Variants in ACO1 observed in about 807,000 individuals in gnomAD.
The protein encoded by ACO1 is aconitase 1, also known as cytoplasmic aconitate hydratase.
In ACO1, 78 loss-of-function variants were observed where a neutral mutation model predicts 105.1. That is an observed-to-expected ratio of 0.74 (90% CI 0.62 to 0.90). The LOEUF (loss-of-function observed/expected upper bound fraction) is 0.90, where lower values mean the gene tolerates loss of function less well. Among genes scored for constraint, ACO1 ranks in the 40% least tolerant of loss-of-function variants. The pLI is 0.00. For missense variants in ACO1, 965 were observed against 1,111.1 expected, an observed-to-expected ratio of 0.87 and a Z score of 1.87; for synonymous variants, 364 against 397.4, an observed-to-expected ratio of 0.92 and a Z score of 1.00.
chr9:32,387,723 A>G (rs1821184061), intron 1 of ACO1, among the ~76,000 whole-genome samples: 5 of 152,218 alleles, frequency 3.3e-5, no homozygotes, highest in Admixed American at 3.3e-4. Flanking sequence ...TACAGTTTCT[A>G]TTGCAGCTAC....
Position 32,436,299 on chromosome 9 carries a change from G to A in ACO1, c.2149G>A (p.Ala717Thr), listed in dbSNP as rs202070059. ...NSYGSRRGND[A>T]VMARGTFANI... ...CTATGGCTCCCGCCGAGGTAATGAC[G>A]CCGTCATGGCACGGGGAACATTTGC... The change falls in exon 18 of 21, where the codon GCC (alanine) becomes ACC (threonine). Residue 717 changes from alanine (A) to threonine (T), a missense_variant. Coordinates refer to ENST00000309951, the MANE Select transcript of ACO1 (RefSeq NM_002197.3). 8.3e-5 allele frequency: 134 copies of A among 1,614,020 alleles called. No individual in the cohort carries two copies. The highest frequency in any genetic ancestry group is 1.1e-4 in the Non-Finnish European group (125 of 1,180,024).
At chr9:32,442,366 AC>A (rs1822500350) in intron 19 of ACO1, among the ~76,000 whole-genome samples, 1 of 152,042 alleles carries the variant, frequency 6.6e-6, no homozygotes, top group African/African-American at 2.4e-5. Context: ...TCCTAAAGTG[AC>A]CCTGGTGTTG....
Position 32,398,188 on chromosome 9 carries a change from A to G in ACO1, c.-22-7297A>G, listed in dbSNP as rs559399269. 2.0e-5 allele frequency among the ~76,000 whole-genome samples: 3 copies of G among 152,360 alleles called. No individual in the cohort carries two copies. The East Asian group carries it at 5.8e-4, about 29-fold the overall frequency. On this transcript the variant is annotated intron_variant, in intron 1 of 20. Coordinates refer to ENST00000309951, the MANE Select transcript of ACO1 (RefSeq NM_002197.3). ...AGGTAATTAATTATAATATTTCACT[A>G]TCATAGGAAAATTAAACTTTGATAA...
Position 32,453,050 on chromosome 9 carries a change from C to G in ACO1, c.*2939C>G, listed in dbSNP as rs867469938. ...GCCTAAATAAACCAACTTCTTTTAC[C>G]TGGTTCTTTAAGGGCTGCTCGTCTT... is the stretch of plus-strand genomic sequence containing the variant. On this transcript the variant is annotated 3_prime_UTR_variant, in exon 21 of 21. Coordinates refer to ENST00000309951, the MANE Select transcript of ACO1 (RefSeq NM_002197.3). 5 of 148,522 alleles carry G rather than the reference C, an allele frequency of 3.4e-5. No individual in the cohort carries two copies. The highest frequency in any genetic ancestry group is 6.8e-5 in the Admixed American group (1 of 14,684). 9.2% of individuals were successfully genotyped at this position (148,522 alleles called of 1,614,324 possible).
At position 32,433,724 on chromosome 9, in the gene ACO1, T is replaced by C; in HGVS notation, c.1852-4T>C. On this transcript the variant is annotated splice_region_variant and splice_polypyrimidine_tract_variant and intron_variant, in intron 15 of 20. Coordinates refer to ENST00000309951, the MANE Select transcript of ACO1 (RefSeq NM_002197.3). ...TTAGATCTGCCTTTCTTTTCTTTTT[T>C]AAGACTGTGAATGAAAGCTGGAATG... 2 of 1,595,052 alleles carry C rather than the reference T, an allele frequency of 1.3e-6. No homozygotes were observed. The highest frequency in any genetic ancestry group is 1.7e-6 in the Non-Finnish European group (2 of 1,174,800).
intron 4 of ACO1, among the ~76,000 whole-genome samples, chr9:32,416,424 A>C (rs952143210): frequency 3.9e-5 from 6 of 152,114 alleles, no homozygotes; most frequent in Non-Finnish European, 7.3e-5. Context: ...TAAATAACAC[A>C]TGCTTCCGGT....
intron 4 of ACO1, among the ~76,000 whole-genome samples, chr9:32,414,110 G>T (rs554264661): frequency 4.6e-5 from 7 of 152,094 alleles, no homozygotes; most frequent in African/African-American, 1.7e-4. Context: ...CCGAGATTGC[G>T]CCACTGCACT....
intron 1 of ACO1, among the ~76,000 whole-genome samples, chr9:32,399,022 C>T (rs1291277016): frequency 6.6e-6 from 1 of 152,180 alleles, no homozygotes; most frequent in Non-Finnish European, 1.5e-5. Flanking sequence ...AGATAATCAT[C>T]CCCTTTCCTT....
intron 14 of ACO1, 116 bp downstream of exon 14, chr9:32,430,690 G>C: frequency 8.6e-7 from 1 of 1,168,364 alleles, no homozygotes; most frequent in Middle Eastern, 2.1e-4. Flanking sequence ...ATAAGACAAA[G>C]AAGAGAATAA....
At chr9:32,422,636 A>G (rs1821999694) in intron 8 of ACO1, among the ~76,000 whole-genome samples, 2 of 152,190 alleles carry the variant, frequency 1.3e-5, no homozygotes, top group Admixed American at 6.5e-5. Flanking sequence ...GTTCAAGGTC[A>G]TATTCCTGGT....
chr9:32,387,855 A>G (rs1821186050), intron 1 of ACO1, among the ~76,000 whole-genome samples: 1 of 152,226 alleles, frequency 6.6e-6, no homozygotes, highest in Non-Finnish European at 1.5e-5. Flanking sequence ...CAGACTCCTG[A>G]CCTAGACTAT....
intron 8 of ACO1, among the ~76,000 whole-genome samples, chr9:32,422,610 A>T (rs1821999280): frequency 6.6e-6 from 1 of 152,186 alleles, no homozygotes; most frequent in Non-Finnish European, 1.5e-5. Flanking sequence ...TCTTGATAAA[A>T]GTTAAATAGC....
In ACO1 at chr9:32,405,424, C is replaced by T. The variant is rs987553037; in HGVS notation, c.-22-61C>T. The T allele has an allele frequency of 1.4e-5, 14 of 977,442 alleles. No homozygotes were observed. In the South Asian group the frequency reaches 1.6e-4, roughly 11 times the overall value. The allele number at this position is 977,442 out of a possible 1,614,324, so 60.5% of individuals were successfully genotyped here. On this transcript the variant is annotated intron_variant, in intron 1 of 20. Transcript: ENST00000309951. ...GTAAAAACTAAGCCTTCCTCCCAGT[C>T]CTGATTTCTAGGTCCCAGACCTCTT...
In ACO1 at chr9:32,425,831, C is replaced by T. The variant is rs1451166243; in HGVS notation, c.1189-7C>T. 3.8e-6 allele frequency: 6 copies of T among 1,598,424 alleles called. No individual in the cohort carries two copies. The highest frequency in any genetic ancestry group is 3.4e-5 in the Admixed American group (2 of 58,572). On this transcript the variant is annotated splice_polypyrimidine_tract_variant and splice_region_variant and intron_variant, in intron 10 of 20. Coordinates refer to ENST00000309951, the MANE Select transcript of ACO1 (RefSeq NM_002197.3). ...TCCTATATAATATACATTTTTTCTTCCTTTAGCAAGGATTTAAAGGATTCC... is the reference window on the plus strand; with the variant it reads ...TCCTATATAATATACATTTTTTCTTTCTTTAGCAAGGATTTAAAGGATTCC...
In ACO1 at chr9:32,418,425, A is replaced by T; in HGVS notation, c.572A>T (p.Asp191Val). ...GAATATTTGGCAAGAGTGGTATTTGATCAGGATGGATATTATTACCCAGAC... is the reference window on the plus strand; with the variant it reads ...GAATATTTGGCAAGAGTGGTATTTGTTCAGGATGGATATTATTACCCAGAC... ...NLEYLARVVF[D>V]QDGYYYPDSL... is the part of the protein sequence containing the mutation. The change falls in exon 6 of 21, where the codon GAT becomes GTT. Residue 191 changes from aspartate (D) to valine (V), a missense_variant. Transcript: ENST00000309951. 1 of 1,614,174 alleles carries T rather than the reference A, an allele frequency of 6.2e-7. No individual in the cohort carries two copies.
At position 32,405,552 on chromosome 9, in the gene ACO1, C is replaced by A; in HGVS notation, c.46C>A (p.Gln16Lys). ...CCTTGCTGAGCCATTGGATCCTGTACAACCAGGAAAGAAATTCTTCAATTT... is the reference window on the plus strand; with the variant it reads ...CCTTGCTGAGCCATTGGATCCTGTAAAACCAGGAAAGAAATTCTTCAATTT... ...AHLAEPLDPV[Q>K]PGKKFFNLNK... is the part of the protein sequence containing the mutation. The change falls in exon 2 of 21, where the codon CAA becomes AAA. Residue 16 changes from glutamine (Q) to lysine (K), a missense_variant. Coordinates refer to ENST00000309951, the MANE Select transcript of ACO1 (RefSeq NM_002197.3). 2 of 1,614,030 alleles carry A rather than the reference C, an allele frequency of 1.2e-6. No individual in the cohort carries two copies. Among genetic ancestry groups the A allele is most frequent in the Non-Finnish European group, 1.7e-6 (2 of 1,179,960 alleles).
chr9:32,386,401 C>T (rs546912249), intron 1 of ACO1: 1 of 152,204 alleles, frequency 6.6e-6, no homozygotes, highest in South Asian at 2.1e-4. Flanking sequence ...GCTTCCTCAG[C>T]CCCTGTCAAA....
chr9:32,397,644 C>T (rs57884823), intron 1 of ACO1, among the ~76,000 whole-genome samples: 3,201 of 152,248 alleles, frequency 0.021, 132 homozygotes, highest in African/African-American at 0.072. Flanking sequence ...CAATTAATTT[C>T]TCTTTAAACA....
chr9:32,450,260 T>C lies in ACO1; in HGVS notation c.*149T>C, dbSNP rs80177170. 1,371 of 747,308 alleles carry C rather than the reference T, an allele frequency of 1.8e-3. 12 individuals are homozygous for C. In the African/African-American group the frequency reaches 0.021, roughly 12 times the overall value. The allele number at this position is 747,308 out of a possible 1,614,324, so 46.3% of individuals were successfully genotyped here. ...CACTGAGGGTCTGGTGCCAATCCTG[T>C]AGGCACAAAACCAGAAGTTTCTACA... is the stretch of plus-strand genomic sequence containing the variant. On this transcript the variant is annotated 3_prime_UTR_variant, in exon 21 of 21. Coordinates refer to ENST00000309951, the MANE Select transcript of ACO1 (RefSeq NM_002197.3).
Sources: gnomAD v4.1 joint callset for allele counts (sites outside exome capture counted in the v4.1 genomes callset) on GRCh38, gnomAD v4.1.1 for gene constraint, MANE v1.5 for transcripts, NCBI Gene and HGNC (gene_info 2026-07-23, HGNC 2026-07-21) for gene names.